The following NTM variants were observed in gnomAD, a reference collection of about 807,000 sequenced individuals.
The protein encoded by NTM is neurotrimin, also known as IgLON family member 2.
In NTM, 13 loss-of-function variants were observed where a neutral mutation model predicts 42.1. The ratio of observed to expected loss-of-function variants is 0.31; its 90% CI spans 0.20 to 0.49. NTM has a LOEUF of 0.49. NTM is among the 20% of genes least tolerant of loss of function. NTM has a pLI of 0.99. For missense variants in NTM, 373 were observed against 452.8 expected, an observed-to-expected ratio of 0.82 and a Z score of 1.60; for synonymous variants, 187 against 179.2, an observed-to-expected ratio of 1.04 and a Z score of -0.35.
chr11:132,219,051 T>G (rs1433685487), intron 4 of NTM, among the ~76,000 whole-genome samples: 3 of 152,078 alleles, frequency 2.0e-5, no homozygotes, highest in Non-Finnish European at 4.4e-5. Flanking sequence ...TAGACCCCAT[T>G]TTCTCCACAC....
intron 2 of NTM, among the ~76,000 whole-genome samples, chr11:132,122,144 C>A (rs1176763543): frequency 6.6e-6 from 1 of 152,184 alleles, no homozygotes; most frequent in Admixed American, 6.5e-5. Flanking sequence ...GAGCCGTGCA[C>A]TCGGTGTGGG....
At chr11:131,683,068 C>T (rs976690164) in intron 1 of NTM, among the ~76,000 whole-genome samples, 1 of 152,174 alleles carries the variant, frequency 6.6e-6, no homozygotes, top group South Asian at 2.1e-4. Flanking sequence ...AAATAACAAC[C>T]CACAGTCATC....
intron 1 of NTM, among the ~76,000 whole-genome samples, chr11:131,683,703 G>C (rs1328066807): frequency 3.3e-5 from 5 of 152,206 alleles, no homozygotes; most frequent in African/African-American, 1.2e-4. Context: ...GAGGCGACCT[G>C]ATCCCCACGT....
At chr11:131,544,312 G>A (rs983491240) in intron 1 of NTM, among the ~76,000 whole-genome samples, 3 of 152,150 alleles carry the variant, frequency 2.0e-5, no homozygotes, top group African/African-American at 7.2e-5. Flanking sequence ...GAAAGGGTGA[G>A]TCTCCCTTCG....
chr11:131,672,998 C>T (rs1039137910), intron 1 of NTM, among the ~76,000 whole-genome samples: 37 of 123,096 alleles, frequency 3.0e-4, no homozygotes, highest in African/African-American at 1.2e-3. Context: ...GGGGAGTGAC[C>T]GTGTTCCTTG....
chr11:131,507,573 GT>G (rs1228519737), intron 1 of NTM, among the ~76,000 whole-genome samples: 1 of 151,496 alleles, frequency 6.6e-6, no homozygotes, highest in Non-Finnish European at 1.5e-5. Context: ...CTTTAAAGTA[GT>G]TTTTTCCAAT....
chr11:131,499,984 C>CAG (rs1459135355), intron 1 of NTM, among the ~76,000 whole-genome samples: 2 of 152,212 alleles, frequency 1.3e-5, no homozygotes, highest in African/African-American at 2.4e-5. Context: ...AACCAAGGGA[C>CAG]AGGAGGGCTG....
At chr11:132,270,546 A>C (rs1323628625) in intron 4 of NTM, among the ~76,000 whole-genome samples, 1 of 152,162 alleles carries the variant, frequency 6.6e-6, no homozygotes, top group African/African-American at 2.4e-5. Flanking sequence ...CATATTTTTA[A>C]AAATCAGTTT....
intron 4 of NTM, among the ~76,000 whole-genome samples, chr11:132,224,202 C>T (rs955078561): frequency 2.0e-5 from 3 of 152,166 alleles, no homozygotes; most frequent in African/African-American, 7.2e-5. Context: ...GACAACTCAA[C>T]ATTTTCTTGA....
At chr11:131,416,288 A>G (rs1224172240) in intron 1 of NTM, among the ~76,000 whole-genome samples, 5 of 152,130 alleles carry the variant, frequency 3.3e-5, no homozygotes, top group African/African-American at 7.2e-5. Flanking sequence ...TGGTAAGAAA[A>G]CCAGGGGGAG....
intron 2 of NTM, among the ~76,000 whole-genome samples, chr11:132,138,221 G>A (rs2068330408): frequency 6.6e-6 from 1 of 152,116 alleles, no homozygotes; most frequent in Non-Finnish European, 1.5e-5. Context: ...CCTTCCCAGA[G>A]TTCCACATAT....
chr11:132,004,653 CA>C (rs66732717), intron 2 of NTM, among the ~76,000 whole-genome samples: 2 of 137,554 alleles, frequency 1.5e-5, no homozygotes, highest in African/African-American at 5.5e-5. Flanking sequence ...CACACACACA[CA>C]ACACACACAC....
At chr11:131,840,850 A>C (rs577600044) in intron 1 of NTM, among the ~76,000 whole-genome samples, 121 of 152,264 alleles carry the variant, frequency 7.9e-4, no homozygotes, top group African/African-American at 2.2e-3. Flanking sequence ...TTCTCAGTGA[A>C]GGAGGAAGTG....
At chr11:132,206,165 C>T (rs2081964826) in intron 3 of NTM, among the ~76,000 whole-genome samples, 1 of 152,162 alleles carries the variant, frequency 6.6e-6, no homozygotes, top group Non-Finnish European at 1.5e-5. Context: ...GTCTATTTTA[C>T]TCCATCTGAC....
rs564570139 is a variant in NTM, at chr11:131,405,878, C to T, written c.82+34990C>T. 2.9e-4 allele frequency among the ~76,000 whole-genome samples: 44 copies of T among 152,284 alleles called. 1 individual carries two copies. In the South Asian group the frequency reaches 8.5e-3, roughly 29 times the overall value. ...CTTAAACTTGCCAAGTTTGGTCTTA[C>T]TTCAGGGACTGCACACTTGCCATGT... On this transcript the variant is annotated intron_variant, in intron 1 of 8. Coordinates refer to ENST00000683400, the MANE Select transcript of NTM (RefSeq NM_001352005.2).
intron 1 of NTM, chr11:131,794,637 G>GAATT: frequency 1.0e-6 from 1 of 985,172 alleles, no homozygotes; most frequent in Non-Finnish European, 1.2e-6. Context: ...ATGAATGAAT[G>GAATT]AATGAATGAG....
At chr11:131,919,849 T>C (rs1300118342) in intron 2 of NTM, among the ~76,000 whole-genome samples, 1 of 152,158 alleles carries the variant, frequency 6.6e-6, no homozygotes, top group Non-Finnish European at 1.5e-5. Flanking sequence ...AGATATACCA[T>C]GTCTTGCTTC....
At chr11:132,177,744 A>G (rs971728305) in intron 3 of NTM, among the ~76,000 whole-genome samples, 1 of 152,216 alleles carries the variant, frequency 6.6e-6, no homozygotes, top group Non-Finnish European at 1.5e-5. Context: ...TGTTGAAGGC[A>G]ATGAAGCCCC....
intron 4 of NTM, among the ~76,000 whole-genome samples, chr11:132,259,633 T>C (rs183700808): frequency 6.6e-6 from 1 of 152,022 alleles, no homozygotes; most frequent in African/African-American, 2.4e-5. Context: ...TGAGCTGAGA[T>C]TGCGCCACTG....
Sources: gnomAD v4.1 joint callset for allele counts (sites outside exome capture counted in the v4.1 genomes callset) on GRCh38, gnomAD v4.1.1 for gene constraint, MANE v1.5 for transcripts, NCBI Gene and HGNC (gene_info 2026-07-23, HGNC 2026-07-21) for gene names.